Variants in TCF7L1 observed in about 807,000 individuals in gnomAD.
The protein encoded by TCF7L1 is transcription factor 7 like 1.
Under a neutral mutation model 63.7 loss-of-function variants are expected in TCF7L1, and 18 were observed. That is an observed-to-expected ratio of 0.28 (90% CI 0.20 to 0.42). The LOEUF (loss-of-function observed/expected upper bound fraction) is 0.42, where lower values mean the gene tolerates loss of function less well. Ranked by LOEUF, TCF7L1 falls within the 10% of genes least tolerant of loss-of-function variation. TCF7L1 has a pLI of 1.00. For synonymous variants in TCF7L1, 355 were observed against 340.9 expected, an observed-to-expected ratio of 1.04 and a Z score of -0.46; for missense variants, 654 against 779.3, an observed-to-expected ratio of 0.84 and a Z score of 1.91.
chr2:85,254,531 G>C (rs773732787), intron 3 of TCF7L1, among the ~76,000 whole-genome samples: 7 of 152,194 alleles, frequency 4.6e-5, no homozygotes, highest in Non-Finnish European at 1.0e-4. Flanking sequence ...TCTGTAAAAA[G>C]GGTTTGCCTA....
intron 3 of TCF7L1, among the ~76,000 whole-genome samples, chr2:85,273,502 A>T (rs1239809371): frequency 6.6e-6 from 1 of 152,240 alleles, no homozygotes; most frequent in East Asian, 1.9e-4. Flanking sequence ...AAGTTTAAAC[A>T]GTTTGATAAC....
At chr2:85,304,473 A>C in intron 7 of TCF7L1, 135 bp downstream of exon 7, 2 of 825,852 alleles carry the variant, frequency 2.4e-6, no homozygotes, top group Non-Finnish European at 3.7e-6. Context: ...TTGATCAAGC[A>C]TCTTCTCACG....
At position 85,133,614 on chromosome 2, in the gene TCF7L1, C is replaced by A; in HGVS notation, c.-71C>A. On this transcript the variant is annotated 5_prime_UTR_variant, in exon 1 of 12. Transcript: ENST00000282111. The surrounding 1 kb of genome is among the most constrained non-coding windows in gnomAD (Gnocchi z 4.4). ...GGCCCGCAAGCGGGCGGGAGGGGCG[C>A]CGGGCCGGGCCGGGCAGGGCGCGGG... 1.7e-6 allele frequency: 1 copy of A among 575,620 alleles called. No homozygotes were observed. The highest frequency in any genetic ancestry group is 2.2e-6 in the Non-Finnish European group (1 of 457,532). The allele number at this position is 575,620 out of a possible 1,614,324, so 35.7% of individuals were successfully genotyped here. A position where few individuals can be genotyped will look rare whatever the true frequency, so the allele number is the denominator to read the frequency against.
chr2:85,170,685 C>T (rs537139151), intron 3 of TCF7L1, among the ~76,000 whole-genome samples: 12 of 152,240 alleles, frequency 7.9e-5, no homozygotes, highest in South Asian at 6.2e-4. Context: ...TCTTAGTACC[C>T]GGACATCCCA....
At position 85,309,702 on chromosome 2, in the gene TCF7L1, G is replaced by C; in HGVS notation, c.*240G>C. 1 of 443,706 alleles carries C rather than the reference G, an allele frequency of 2.3e-6. No homozygotes were observed. The allele number at this position is 443,706 out of a possible 1,614,324, so 27.5% of individuals were successfully genotyped here. On this transcript the variant is annotated 3_prime_UTR_variant, in exon 12 of 12. Coordinates refer to ENST00000282111, the MANE Select transcript of TCF7L1 (RefSeq NM_031283.3). ...TTATAAGAAAGAGAACTGAAAAGTAGCGTGCTATTCGTCCTGTAGGTGCTG... is the reference window on the plus strand; with the variant it reads ...TTATAAGAAAGAGAACTGAAAAGTACCGTGCTATTCGTCCTGTAGGTGCTG...
In TCF7L1 at chr2:85,309,431, C is replaced by G. The variant is rs776964872; in HGVS notation, c.1736C>G (p.Pro579Arg). 9.7e-6 allele frequency: 15 copies of G among 1,545,408 alleles called. No homozygotes were observed. Among genetic ancestry groups the G allele is most frequent in the Non-Finnish European group, 9.6e-6 (11 of 1,146,294 alleles). Residue 579 changes from proline (P) to arginine (R), a missense_variant, in exon 12 of 12, where the codon CCT (proline) becomes CGT (arginine). Pro to Arg is a moderately radical substitution (Grantham distance 103). Transcript: ENST00000282111. Reference sequence around the variant, plus strand: ...GCCCTCCCGGTGCTACAGGCCCAGCCTCTTTCCCTGGTCACCAAGTCTGCC... The same window carrying G: ...GCCCTCCCGGTGCTACAGGCCCAGCGTCTTTCCCTGGTCACCAAGTCTGCC... ...HQALPVLQAQ[P>R]LSLVTKSAH
chr2:85,230,545 G>A (rs1028444756), intron 3 of TCF7L1, among the ~76,000 whole-genome samples: 2 of 152,304 alleles, frequency 1.3e-5, no homozygotes, highest in South Asian at 4.1e-4. Context: ...ATGTTGGCCA[G>A]GGTGGTCTCG....
intron 3 of TCF7L1, among the ~76,000 whole-genome samples, chr2:85,257,660 G>A (rs1237958767): frequency 6.6e-6 from 1 of 152,236 alleles, no homozygotes; most frequent in Non-Finnish European, 1.5e-5. Context: ...CTCTGGCCCT[G>A]CCTGACCCTG....
In TCF7L1 at chr2:85,231,247, C is replaced by T. The variant is rs140952230; in HGVS notation, c.442-52248C>T. On this transcript the variant is annotated intron_variant, in intron 3 of 11. Transcript: ENST00000282111. Reference sequence around the variant, plus strand: ...GCCCAAGCATCTCTCCTCTGTCTGGCGCTTCCTCCTAGCATCCTGGTTTGT... The same window carrying T: ...GCCCAAGCATCTCTCCTCTGTCTGGTGCTTCCTCCTAGCATCCTGGTTTGT... Among the ~76,000 whole-genome samples the T allele has an allele frequency of 8.4e-4, 128 of 152,288 alleles. 3 individuals carry two copies. In the East Asian group the frequency reaches 0.023, roughly 28 times the overall value.
At chr2:85,161,019 T>C (rs1678272629) in intron 3 of TCF7L1, among the ~76,000 whole-genome samples, 1 of 152,208 alleles carries the variant, frequency 6.6e-6, no homozygotes, top group Non-Finnish European at 1.5e-5. Flanking sequence ...CACAGGTACA[T>C]GCATGCCCTT....
chr2:85,263,987 C>T (rs529075833), intron 3 of TCF7L1, among the ~76,000 whole-genome samples: 19 of 152,230 alleles, frequency 1.2e-4, no homozygotes, highest in Non-Finnish European at 2.2e-4. Context: ...AAAACAGGGC[C>T]AGTGACGTGG....
intron 3 of TCF7L1, among the ~76,000 whole-genome samples, chr2:85,136,484 A>G (rs1012272704): frequency 6.6e-6 from 1 of 152,088 alleles, no homozygotes; most frequent in Non-Finnish European, 1.5e-5. Context: ...TCGTCTCTGC[A>G]TGCCTCTCTG....
intron 3 of TCF7L1, among the ~76,000 whole-genome samples, chr2:85,256,256 C>T (rs1197028645): frequency 6.6e-6 from 1 of 151,956 alleles, no homozygotes; most frequent in Non-Finnish European, 1.5e-5. Flanking sequence ...GCGCCGAAGG[C>T]TGCTCTTTGT....
chr2:85,234,131 C>CTTTTTTTTTTTTTTT (rs35508338), intron 3 of TCF7L1, among the ~76,000 whole-genome samples: 10 of 65,234 alleles, frequency 1.5e-4, no homozygotes, highest in South Asian at 5.1e-4. Flanking sequence ...TTTTTCTTTT[C>CTTTTTTTTTTTTTTT]TTTTTTTTTT....
At chr2:85,284,041 C>T (rs1184285323) in intron 4 of TCF7L1, among the ~76,000 whole-genome samples, 1 of 152,128 alleles carries the variant, frequency 6.6e-6, no homozygotes, top group Non-Finnish European at 1.5e-5. Flanking sequence ...GACGGAGTCT[C>T]GCTCTTTTGC....
At chr2:85,307,762 C>G in intron 11 of TCF7L1, 45 bp downstream of exon 11, 3 of 1,551,310 alleles carry the variant, frequency 1.9e-6, no homozygotes, top group Non-Finnish European at 2.7e-6. Flanking sequence ...TTCCTTTTGT[C>G]ACAGCCACAC....
chr2:85,152,460 A>G (rs1371565329), intron 3 of TCF7L1, among the ~76,000 whole-genome samples: 1 of 139,532 alleles, frequency 7.2e-6, no homozygotes, highest in Non-Finnish European at 1.5e-5. Context: ...TTTGAGACAG[A>G]GTCTCACTCT....
intron 3 of TCF7L1, among the ~76,000 whole-genome samples, chr2:85,191,920 A>G (rs1427150619): frequency 6.6e-6 from 1 of 152,216 alleles, no homozygotes; most frequent in African/African-American, 2.4e-5. Flanking sequence ...TCCCTAGGAT[A>G]AAGCTTTTCA....
intron 3 of TCF7L1, among the ~76,000 whole-genome samples, chr2:85,141,631 G>A (rs1262078918): frequency 6.6e-6 from 1 of 152,220 alleles, no homozygotes; most frequent in African/African-American, 2.4e-5. Context: ...TGGGATGCTG[G>A]AGTGGGAGCC....
Sources: gnomAD v4.1 joint callset for allele counts (sites outside exome capture counted in the v4.1 genomes callset) on GRCh38, gnomAD v4.1.1 for gene constraint, Gnocchi (gnomAD v3.1) non-coding constraint, MANE v1.5 for transcripts, NCBI Gene and HGNC (gene_info 2026-07-23, HGNC 2026-07-21) for gene names.